Variants in IGF2R observed in about 807,000 individuals in gnomAD.
IGF2R encodes the protein insulin like growth factor 2 receptor.
IGF2R carries 91 observed loss-of-function variants against 270.6 expected under a neutral mutation model. The ratio of observed to expected loss-of-function variants is 0.34; its 90% CI spans 0.28 to 0.40. The LOEUF (loss-of-function observed/expected upper bound fraction) is 0.40, where lower values mean the gene tolerates loss of function less well. Ranked by LOEUF, IGF2R falls within the 10% of genes least tolerant of loss-of-function variation. The pLI is 1.00. For missense variants in IGF2R, 2,805 were observed against 3,188.3 expected (o/e 0.88, Z 2.90); for synonymous variants, 1,316 against 1,258.9 (o/e 1.05, Z -0.96).
intron 1 of IGF2R, among the ~76,000 whole-genome samples, chr6:159,970,135 T>C (rs541720027): frequency 6.6e-6 from 1 of 152,046 alleles, no homozygotes; most frequent in Non-Finnish European, 1.5e-5. Context: ...GGAACCATGA[T>C]TGTATAACCC....
intron 2 of IGF2R, among the ~76,000 whole-genome samples, chr6:159,996,690 C>T (rs765159016): frequency 6.6e-5 from 10 of 152,192 alleles, no homozygotes; most frequent in Non-Finnish European, 1.5e-4. Context: ...CTGTCTGTCT[C>T]AGGCTGCAGT....
intron 2 of IGF2R, chr6:160,007,387 G>A (rs1295988842): frequency 1.3e-5 from 2 of 152,178 alleles, no homozygotes; most frequent in Non-Finnish European, 2.9e-5. Context: ...CTGACACTTG[G>A]TATTTAATTT....
intron 4 of IGF2R, among the ~76,000 whole-genome samples, chr6:160,015,565 G>A (rs570263178): frequency 3.3e-5 from 5 of 152,192 alleles, no homozygotes; most frequent in South Asian, 2.1e-4. Flanking sequence ...AAACTGTACC[G>A]CAAAGATGCG....
Position 160,072,865 on chromosome 6 carries a change from A to T in IGF2R, c.4671A>T (p.Glu1557Asp). ...ACATGAGCATCTGTGGGGAGAATGA[A>T]AACTGCCCTCCTGGCGTGGGTGAGT... ...LVYMSICGENENCPPGVGACF... is the reference protein window; with the variant it reads ...LVYMSICGENDNCPPGVGACF... The change falls in exon 33 of 48, where the codon GAA (glutamate) becomes GAT (aspartate). Residue 1557 changes from glutamate (E) to aspartate (D), a missense_variant. Glu to Asp is a conservative substitution (Grantham distance 45). Coordinates refer to ENST00000356956, the MANE Select transcript of IGF2R (RefSeq NM_000876.4). The T allele has an allele frequency of 6.2e-7, 1 of 1,613,668 alleles. No homozygotes were observed. Among genetic ancestry groups the T allele is most frequent in the Non-Finnish European group, 8.5e-7 (1 of 1,179,816 alleles).
In IGF2R at chr6:159,998,914, C is replaced by A. The variant is rs1784089026; in HGVS notation, c.289+7591C>A. On this transcript the variant is annotated intron_variant, in intron 2 of 47. Transcript: ENST00000356956. This position sits in a 1 kb window ranked among gnomAD's most constrained non-coding sequence, Gnocchi z 4.1. ...AAAATATCTCATTTAATTCATTCAACAACCCTTTAAAGTAGGTGATTTCAT... is the reference window on the plus strand; with the variant it reads ...AAAATATCTCATTTAATTCATTCAAAAACCCTTTAAAGTAGGTGATTTCAT... Among the ~76,000 whole-genome samples the A allele has an allele frequency of 6.6e-6, 1 of 152,214 alleles. No homozygotes were observed. The highest frequency in any genetic ancestry group is 2.4e-5 in the African/African-American group (1 of 41,458).
chr6:160,017,578 C>T (rs1425685233), intron 4 of IGF2R, among the ~76,000 whole-genome samples: 1 of 152,008 alleles, frequency 6.6e-6, no homozygotes, highest in African/African-American at 2.4e-5. Flanking sequence ...TGTATGAGGT[C>T]AACATGAAGG....
rs761371228 is a variant in IGF2R, at chr6:160,048,438, T to C, written c.2409T>C (p.His803=). The C allele has an allele frequency of 1.2e-6, 2 of 1,614,114 alleles. No individual in the cohort carries two copies. Residue 803 remains histidine, a synonymous_variant, in exon 18 of 48, where the codon CAT becomes CAC. Transcript: ENST00000356956. Reference sequence around the variant, plus strand: ...ATGCCATGGACAACTCAGGGGAACATGTCACGTGGAGGAAATACTACATTA... The same window carrying C: ...ATGCCATGGACAACTCAGGGGAACACGTCACGTGGAGGAAATACTACATTA... The part of the protein sequence containing the change: ...NWYAMDNSGE[H]VTWRKYYINV...
chr6:159,988,431 T>G (rs1783922844), intron 1 of IGF2R, among the ~76,000 whole-genome samples: 1 of 140,444 alleles, frequency 7.1e-6, no homozygotes, highest in Non-Finnish European at 1.5e-5. Context: ...GAGAATGGCG[T>G]GAACCCGGGA....
At position 160,110,684 on chromosome 6, in the gene IGF2R, A is replaced by C. The variant is rs1779723259; in HGVS notation, c.*5600A>C. 1 of 152,276 alleles carries C rather than the reference A, an allele frequency of 6.6e-6. No individual in the cohort carries two copies. Among genetic ancestry groups the C allele is most frequent in the South Asian group, 2.1e-4 (1 of 4,836 alleles). The allele number at this position is 152,276 out of a possible 1,614,324, so 9.4% of individuals were successfully genotyped here. The stretch of plus-strand genomic sequence containing the variant: ...AGCCTCAGTGTCTACTGACAAATAA[A>C]GATGGATCAAGAAAATGCATGTATG... On this transcript the variant is annotated 3_prime_UTR_variant, in exon 48 of 48. Transcript: ENST00000356956.
Position 160,084,336 on chromosome 6 carries a change from C to T in IGF2R, c.6068+152C>T. On this transcript the variant is annotated intron_variant, in intron 40 of 47. Transcript: ENST00000356956. This position sits in a 1 kb window ranked among gnomAD's most constrained non-coding sequence, Gnocchi z 4.6. ...GTTGAGTTGTGACTGTTCCTGGAAG[C>T]AGCCCGCAGTGTCAATCCTGGCACA... The T allele has an allele frequency of 1.6e-6, 1 of 618,318 alleles. No homozygotes were observed. The highest frequency in any genetic ancestry group is 2.9e-6 in the Non-Finnish European group (1 of 347,356). 38.3% of individuals were successfully genotyped at this position (618,318 alleles called of 1,614,324 possible).
chr6:160,062,055 A>G, intron 25 of IGF2R, 127 bp downstream of exon 25: 1 of 843,442 alleles, frequency 1.2e-6, no homozygotes, highest in Non-Finnish European at 1.9e-6. Flanking sequence ...AGCCATTGCT[A>G]GGGTTTGACG....
At chr6:160,072,153 A>G in intron 32 of IGF2R, 117 bp downstream of exon 32, 5 of 1,312,392 alleles carry the variant, frequency 3.8e-6, no homozygotes, top group Non-Finnish European at 5.3e-6. Context: ...CGCCCTGGGC[A>G]GAGGTGTCAT....
chr6:160,042,731 G>C (rs1049898844), intron 11 of IGF2R, among the ~76,000 whole-genome samples: 5 of 152,188 alleles, frequency 3.3e-5, no homozygotes, highest in African/African-American at 1.2e-4. Context: ...GCCTTCACAG[G>C]GGCCGAGCGG....
At position 160,103,844 on chromosome 6, in the gene IGF2R, G is replaced by A. The variant is rs8191949; in HGVS notation, c.7065+29G>A. ...ATTTTCTGTGGCGAGTCTCTTGAAG[G>A]CCTGCCTCCCCGGCCCCCTGTGCTG... On this transcript the variant is annotated intron_variant, in intron 47 of 47. Transcript: ENST00000356956. The A allele has an allele frequency of 2.5e-3, 3,814 of 1,496,974 alleles. 94 individuals carry two copies. In the African/African-American group the frequency reaches 0.047, roughly 19 times the overall value. 92.7% of individuals were successfully genotyped at this position (1,496,974 alleles called of 1,614,324 possible).
At chr6:160,096,412 G>A (rs1779359234) in intron 44 of IGF2R, 27 bp from the exon 45 acceptor site, 1 of 1,592,898 alleles carries the variant, frequency 6.3e-7, no homozygotes, top group Non-Finnish European at 8.6e-7. Context: ...ATGGTGACAT[G>A]CCATGTGTGC....
chr6:159,970,171 C>G (rs1396964178), intron 1 of IGF2R, among the ~76,000 whole-genome samples: 1 of 152,132 alleles, frequency 6.6e-6, no homozygotes, highest in Non-Finnish European at 1.5e-5. Context: ...GGCTGTTCAC[C>G]TCGCGCAACT....
rs1186159188 is a variant in IGF2R, at chr6:159,980,216, A to AG, written c.149+10821_149+10822insG. On this transcript the variant is annotated intron_variant, in intron 1 of 47. Transcript: ENST00000356956. Reference sequence around the variant, plus strand: ...GAAAGAAAGAAAGAAAGAAAGAAAGAAAGAAAGAAAGAAAGAAAGAAAGGT... The same window carrying AG: ...GAAAGAAAGAAAGAAAGAAAGAAAGAGAAGAAAGAAAGAAAGAAAGAAAGGT... Among the ~76,000 whole-genome samples the AG allele has an allele frequency of 2.4e-5, 3 of 126,218 alleles. 1 individual carries two copies. The highest frequency in any genetic ancestry group is 5.1e-5 in the Non-Finnish European group (3 of 59,226). The allele number at this position is 126,218 out of a possible 152,430, so 82.8% of individuals were successfully genotyped here.
intron 5 of IGF2R, among the ~76,000 whole-genome samples, chr6:160,026,559 T>C (rs1777564759): frequency 6.6e-6 from 1 of 152,214 alleles, no homozygotes; most frequent in East Asian, 1.9e-4. Flanking sequence ...TCCCAAAGTA[T>C]ACTGTGTAAG....
At chr6:160,008,957 T>C in intron 2 of IGF2R, 53 bp from the exon 3 acceptor site, 1 of 1,579,252 alleles carries the variant, frequency 6.3e-7, no homozygotes, top group East Asian at 2.2e-5. Context: ...TGGAAATAGC[T>C]GTTTGGTTAT....
Sources: gnomAD v4.1 joint callset for allele counts (sites outside exome capture counted in the v4.1 genomes callset) on GRCh38, gnomAD v4.1.1 for gene constraint, Gnocchi (gnomAD v3.1) non-coding constraint, MANE v1.5 for transcripts, NCBI Gene and HGNC (gene_info 2026-07-23, HGNC 2026-07-21) for gene names.